Variants in PXDNL observed in about 807,000 individuals in gnomAD.
PXDNL encodes the protein probable oxidoreductase PXDNL.
In PXDNL, 145 loss-of-function variants were observed where a neutral mutation model predicts 150.8. The observed-to-expected ratio is 0.96, with a 90% CI of 0.84 to 1.10. The LOEUF (loss-of-function observed/expected upper bound fraction) is 1.10. Among genes scored for constraint, PXDNL ranks in the 50% least tolerant of loss-of-function variants. The pLI is 0.00. For synonymous variants in PXDNL, 757 were observed against 725.7 expected, an observed-to-expected ratio of 1.04 and a Z score of -0.69; for missense variants, 2,087 against 1,873.9, an observed-to-expected ratio of 1.11 and a Z score of -2.10.
In PXDNL at chr8:51,408,650, A is replaced by C; in HGVS notation, c.2974T>G (p.Trp992Gly). ...TCCTGGTAAACCGTGTTTCCCTCCC[A>C]GTGGGGGTTCAGGGCGGACAGCTCC... ...ATELSALNPH[W>G]EGNTVYQEAR... Residue 992 changes from tryptophan to glycine, a missense_variant, in exon 17 of 23, where the codon TGG (tryptophan) becomes GGG (glycine). Trp to Gly is a radical substitution (Grantham distance 184). Transcript: ENST00000356297. 1 of 1,606,096 alleles carries C rather than the reference A, an allele frequency of 6.2e-7. No homozygotes were observed. Among genetic ancestry groups the C allele is most frequent in the South Asian group, 1.1e-5 (1 of 89,692 alleles).
At chr8:51,466,365 AC>A (rs1810205512) in intron 8 of PXDNL, among the ~76,000 whole-genome samples, 1 of 152,032 alleles carries the variant, frequency 6.6e-6, no homozygotes, top group Non-Finnish European at 1.5e-5. Context: ...ATGAAACGAG[AC>A]CCCTATATAT....
intron 1 of PXDNL, among the ~76,000 whole-genome samples, chr8:51,750,339 T>A (rs1426371887): frequency 1.3e-5 from 2 of 152,196 alleles, no homozygotes; most frequent in African/African-American, 4.8e-5. Context: ...AAAGCACGCA[T>A]GGAGCTGTCA....
At chr8:51,400,818 T>C (rs1808225934) in intron 17 of PXDNL, among the ~76,000 whole-genome samples, 1 of 152,228 alleles carries the variant, frequency 6.6e-6, no homozygotes, top group Non-Finnish European at 1.5e-5. Flanking sequence ...TAATACATCA[T>C]AGTTCATTGA....
intron 2 of PXDNL, among the ~76,000 whole-genome samples, chr8:51,639,458 A>G (rs1291662210): frequency 6.6e-6 from 1 of 152,172 alleles, no homozygotes; most frequent in East Asian, 1.9e-4. Flanking sequence ...ACCACTAGCA[A>G]GACTAATAAA....
In PXDNL at chr8:51,374,577, T is replaced by C. The variant is rs772053776; in HGVS notation, c.3692+20A>G. On this transcript the variant is annotated intron_variant, in intron 18 of 22. Coordinates refer to ENST00000356297, the MANE Select transcript of PXDNL (RefSeq NM_144651.5). ...AACAACTTTTGTGATATTTAATAAGTATAACAGATAATCATTCACCTATCT... is the reference window on the plus strand; with the variant it reads ...AACAACTTTTGTGATATTTAATAAGCATAACAGATAATCATTCACCTATCT... The C allele has an allele frequency of 1.2e-6, 2 of 1,613,352 alleles. No homozygotes were observed. The highest frequency in any genetic ancestry group is 1.3e-5 in the African/African-American group (1 of 75,040).
intron 19 of PXDNL, among the ~76,000 whole-genome samples, chr8:51,357,049 T>G (rs2976989): frequency 6.6e-6 from 1 of 151,976 alleles, no homozygotes; most frequent in South Asian, 2.1e-4. Flanking sequence ...TGTTTTGACA[T>G]AATTTGGACA....
chr8:51,650,275 A>G (rs1815006077), intron 2 of PXDNL, among the ~76,000 whole-genome samples: 1 of 152,166 alleles, frequency 6.6e-6, no homozygotes, highest in South Asian at 2.1e-4. Flanking sequence ...GATTAAAAAA[A>G]AATAAGTCTT....
intron 2 of PXDNL, among the ~76,000 whole-genome samples, chr8:51,614,611 A>G (rs778900802): frequency 1.3e-4 from 20 of 152,192 alleles, no homozygotes; most frequent in Non-Finnish European, 1.9e-4. Flanking sequence ...TAATTTGTCT[A>G]AAGTTTTTCT....
chr8:51,635,442 G>T (rs1814586068), intron 2 of PXDNL, among the ~76,000 whole-genome samples: 1 of 151,856 alleles, frequency 6.6e-6, no homozygotes, highest in Non-Finnish European at 1.5e-5. Flanking sequence ...ACCAAAAGTT[G>T]GTTCTTTGAA....
intron 2 of PXDNL, among the ~76,000 whole-genome samples, chr8:51,652,401 TC>T (rs1815058731): frequency 3.3e-5 from 5 of 151,142 alleles, no homozygotes; most frequent in African/African-American, 7.3e-5. Flanking sequence ...TCTCTCTCTC[TC>T]TCTTACTGTC....
intron 1 of PXDNL, among the ~76,000 whole-genome samples, chr8:51,696,424 C>T (rs1048706810): frequency 1.3e-5 from 2 of 152,218 alleles, no homozygotes; most frequent in Non-Finnish European, 1.5e-5. Context: ...TCTCAAACTC[C>T]CAGCCTCCAG....
At chr8:51,611,723 G>T (rs1470741339) in intron 2 of PXDNL, among the ~76,000 whole-genome samples, 5 of 152,100 alleles carry the variant, frequency 3.3e-5, no homozygotes, top group Non-Finnish European at 5.9e-5. Context: ...AGTGGGAGGG[G>T]TGAGTCCAGA....
At chr8:51,447,502 A>G (rs549380341) in intron 11 of PXDNL, among the ~76,000 whole-genome samples, 2 of 152,316 alleles carry the variant, frequency 1.3e-5, no homozygotes, top group Admixed American at 1.3e-4. Context: ...TGATTTTCAG[A>G]TATCTTCGTG....
intron 1 of PXDNL, among the ~76,000 whole-genome samples, chr8:51,661,420 T>G (rs913962988): frequency 4.6e-5 from 7 of 152,194 alleles, no homozygotes; most frequent in African/African-American, 1.7e-4. Flanking sequence ...TTTACAATAT[T>G]ATTAATATTT....
At chr8:51,555,928 A>G (rs1265478081) in intron 4 of PXDNL, among the ~76,000 whole-genome samples, 2 of 152,162 alleles carry the variant, frequency 1.3e-5, no homozygotes, top group East Asian at 1.9e-4. Context: ...TTCATAAAGT[A>G]TCAAATGCTA....
At chr8:51,580,791 AAGAAATAACGTCTCACATGTG>A (rs1813192877) in intron 3 of PXDNL, among the ~76,000 whole-genome samples, 1 of 152,160 alleles carries the variant, frequency 6.6e-6, no homozygotes, top group Admixed American at 6.5e-5. Flanking sequence ...GGGAGAGAAA[AAGAAATAACGTCTCACATGTG>A]AGAAATAACT....
Position 51,408,554 on chromosome 8 carries a change from C to A in PXDNL, c.3070G>T (p.Asp1024Tyr), listed in dbSNP as rs776261836. Reference sequence around the variant, plus strand: ...CCCCTCAGCATCCTAGTGCCAGGGTCCCCCAGGACCTTAGGCAGCCAGTGG... The same window carrying A: ...CCCCTCAGCATCCTAGTGCCAGGGTACCCCAGGACCTTAGGCAGCCAGTGG... The part of the protein sequence containing the change: ...YSHWLPKVLG[D>Y]PGTRMLRGYR... The change falls in exon 17 of 23, where the codon GAC becomes TAC. Residue 1024 changes from aspartate to tyrosine, a missense_variant. Physicochemically the swap from Asp to Tyr is radical, Grantham distance 160. Coordinates refer to ENST00000356297, the MANE Select transcript of PXDNL (RefSeq NM_144651.5). 1 of 1,612,812 alleles carries A rather than the reference C, an allele frequency of 6.2e-7. No individual in the cohort carries two copies.
chr8:51,588,530 T>C (rs1813376071), intron 3 of PXDNL, among the ~76,000 whole-genome samples: 1 of 152,226 alleles, frequency 6.6e-6, no homozygotes, highest in African/African-American at 2.4e-5. Flanking sequence ...GAGCAGAGAA[T>C]ACACTTGTGT....
chr8:51,359,231 C>T (rs1021250112), intron 19 of PXDNL, among the ~76,000 whole-genome samples: 1 of 151,894 alleles, frequency 6.6e-6, no homozygotes, highest in Non-Finnish European at 1.5e-5. Context: ...AAAACATGAC[C>T]CAAGAGACAG....
Sources: gnomAD v4.1 joint callset for allele counts (sites outside exome capture counted in the v4.1 genomes callset) on GRCh38, gnomAD v4.1.1 for gene constraint, MANE v1.5 for transcripts, NCBI Gene and HGNC (gene_info 2026-07-23, HGNC 2026-07-21) for gene names.